The following ZNF292 variants were observed in gnomAD, a reference collection of about 807,000 sequenced individuals.
ZNF292 encodes the protein 16 zinc-finger domain protein.
A neutral mutation model predicts 217.9 loss-of-function variants in ZNF292; 26 were observed. The ratio of observed to expected loss-of-function variants is 0.12; its 90% CI spans 0.09 to 0.17. The LOEUF (loss-of-function observed/expected upper bound fraction) is 0.17. Among genes scored for constraint, ZNF292 ranks in the 10% least tolerant of loss-of-function variants. The probability of loss-of-function intolerance (pLI) is 1.00; values close to 1 mark genes in which losing one functional copy is unlikely to be tolerated. For synonymous variants in ZNF292, 1,257 were observed against 1,124.1 expected (o/e 1.12, Z -2.37); for missense variants, 2,904 against 3,175.2 (o/e 0.91, Z 2.05).
intron 1 of ZNF292, among the ~76,000 whole-genome samples, chr6:87,195,069 G>A (rs541284481): frequency 6.6e-6 from 1 of 152,236 alleles, no homozygotes; most frequent in Non-Finnish European, 1.5e-5. Flanking sequence ...AAAGTAATAG[G>A]ACATAATTTT....
chr6:87,203,012 G>A (rs1223045948), intron 1 of ZNF292, among the ~76,000 whole-genome samples: 1 of 151,450 alleles, frequency 6.6e-6, no homozygotes, highest in Non-Finnish European at 1.5e-5. Flanking sequence ...ACTGAGTCTT[G>A]GAATTTATCC....
chr6:87,178,046 CT>C (rs113770053), intron 1 of ZNF292, among the ~76,000 whole-genome samples: 1 of 151,724 alleles, frequency 6.6e-6, no homozygotes, highest in African/African-American at 2.4e-5. Context: ...TTAGTGTTTT[CT>C]TTTTTTTATT....
chr6:87,225,027 A>G (rs1773273309), intron 4 of ZNF292, among the ~76,000 whole-genome samples: 1 of 152,170 alleles, frequency 6.6e-6, no homozygotes, highest in Non-Finnish European at 1.5e-5. Flanking sequence ...AACAATTGGT[A>G]TTGTCCGTTT....
intron 1 of ZNF292, among the ~76,000 whole-genome samples, chr6:87,193,482 G>A (rs950062745): frequency 1.3e-5 from 2 of 151,848 alleles, no homozygotes; most frequent in Non-Finnish European, 2.9e-5. Context: ...TGAGGCTGGA[G>A]TGAGCCAAGA....
chr6:87,226,229 T>C (rs961733973), intron 4 of ZNF292, among the ~76,000 whole-genome samples: 8 of 152,218 alleles, frequency 5.3e-5, no homozygotes, highest in Admixed American at 4.6e-4. Context: ...CAGAACTCTT[T>C]TCTTTTCAAA....
intron 1 of ZNF292, among the ~76,000 whole-genome samples, chr6:87,169,253 C>G (rs556626296): frequency 6.6e-6 from 1 of 152,046 alleles, no homozygotes; most frequent in South Asian, 2.1e-4. Context: ...GTTGGCCAGG[C>G]TAGTCTCGAA....
chr6:87,158,445 G>A (rs1174586111), intron 1 of ZNF292, among the ~76,000 whole-genome samples: 2 of 152,100 alleles, frequency 1.3e-5, no homozygotes, highest in Non-Finnish European at 2.9e-5. Flanking sequence ...AGGCCGAGTT[G>A]GGCGGATCGC....
At chr6:87,237,448 C>T (rs1773958621) in intron 5 of ZNF292, among the ~76,000 whole-genome samples, 1 of 152,152 alleles carries the variant, frequency 6.6e-6, no homozygotes, top group African/African-American at 2.4e-5. Context: ...CACTGTGTTG[C>T]TCAGGCTGGT....
At chr6:87,171,959 C>G (rs1356305116) in intron 1 of ZNF292, among the ~76,000 whole-genome samples, 2 of 152,180 alleles carry the variant, frequency 1.3e-5, no homozygotes, top group Non-Finnish European at 2.9e-5. Context: ...ATGTCTGGTA[C>G]TAGTTAAATG....
chr6:87,235,794 T>G (rs1773877399), intron 5 of ZNF292, among the ~76,000 whole-genome samples: 1 of 152,122 alleles, frequency 6.6e-6, no homozygotes. Context: ...TTAAGACTTT[T>G]CATGTTCATA....
At position 87,252,528 on chromosome 6, in the gene ZNF292, C is replaced by G. The variant is rs138580658; in HGVS notation, c.1021-2122C>G. 5.0e-4 allele frequency among the ~76,000 whole-genome samples: 76 copies of G among 152,312 alleles called. No homozygotes were observed. In the East Asian group the frequency reaches 0.012, roughly 24 times the overall value. ...TAATCACACTGCTTCTCAGAACTTTCACCAGTAAGAACTTGTACCAGTTCT... is the reference window on the plus strand; with the variant it reads ...TAATCACACTGCTTCTCAGAACTTTGACCAGTAAGAACTTGTACCAGTTCT... On this transcript the variant is annotated intron_variant, in intron 7 of 7. Coordinates refer to ENST00000369577, the MANE Select transcript of ZNF292 (RefSeq NM_015021.3).
chr6:87,249,735 A>G (rs910466137), intron 7 of ZNF292, among the ~76,000 whole-genome samples: 2 of 151,582 alleles, frequency 1.3e-5, no homozygotes, highest in African/African-American at 4.9e-5. Flanking sequence ...TTTGTTATGG[A>G]GTCTCCCTCT....
At chr6:87,216,156 C>T (rs45442199) in intron 2 of ZNF292, 99 bp downstream of exon 2, 5 of 1,125,554 alleles carry the variant, frequency 4.4e-6, no homozygotes, top group Admixed American at 2.4e-5. Context: ...CACACACACA[C>T]AACATTAAAT....
chr6:87,231,215 C>A (rs1227398696), intron 4 of ZNF292, among the ~76,000 whole-genome samples: 1 of 152,112 alleles, frequency 6.6e-6, no homozygotes, highest in African/African-American at 2.4e-5. Flanking sequence ...CCATTTGAAT[C>A]ATGAACTTCA....
intron 4 of ZNF292, among the ~76,000 whole-genome samples, chr6:87,224,634 G>A (rs1353150878): frequency 1.3e-5 from 2 of 152,092 alleles, no homozygotes; most frequent in East Asian, 3.8e-4. Flanking sequence ...GGCTTTACGT[G>A]TCTGTTAAAC....
chr6:87,226,872 G>A (rs986136992), intron 4 of ZNF292, among the ~76,000 whole-genome samples: 1 of 151,724 alleles, frequency 6.6e-6, no homozygotes, highest in Non-Finnish European at 1.5e-5. Flanking sequence ...TGGAGACGGG[G>A]TTTCACTATG....
chr6:87,216,199 A>G, intron 2 of ZNF292, 100 bp from the exon 3 acceptor site: 1 of 1,286,348 alleles, frequency 7.8e-7, no homozygotes, highest in Non-Finnish European at 1.1e-6. Context: ...TAAATAGATT[A>G]GTTATGGGGA....
intron 4 of ZNF292, among the ~76,000 whole-genome samples, chr6:87,230,103 T>C (rs1773570570): frequency 6.6e-6 from 1 of 152,190 alleles, no homozygotes; most frequent in Non-Finnish European, 1.5e-5. Flanking sequence ...AGAGCATTTT[T>C]AAGGCAGACT....
At chr6:87,232,419 G>A (rs1343877074) in intron 4 of ZNF292, among the ~76,000 whole-genome samples, 1 of 152,036 alleles carries the variant, frequency 6.6e-6, no homozygotes, top group Admixed American at 6.5e-5. Flanking sequence ...TTTATTCATG[G>A]AGCATTTTAA....
Sources: allele counts gnomAD v4.1 joint callset (sites outside exome capture counted in the v4.1 genomes callset), GRCh38; gene constraint gnomAD v4.1.1; transcripts MANE v1.5; gene names NCBI Gene and HGNC (gene_info 2026-07-23, HGNC 2026-07-21).